The following ADAMTS16 variants were observed in gnomAD, a reference collection of about 807,000 sequenced individuals.
ADAMTS16 encodes A disintegrin and metalloproteinase with thrombospondin motifs 16.
In ADAMTS16, 94 loss-of-function variants were observed where a neutral mutation model predicts 145.8. The ratio of observed to expected loss-of-function variants is 0.64; its 90% CI spans 0.55 to 0.77. The LOEUF is 0.77. Ranked by LOEUF, ADAMTS16 falls within the 30% of genes least tolerant of loss-of-function variation. ADAMTS16 has a pLI of 0.00. For synonymous variants in ADAMTS16, 659 were observed against 604.3 expected, an observed-to-expected ratio of 1.09 and a Z score of -1.33; for missense variants, 1,585 against 1,591.5, an observed-to-expected ratio of 1.00 and a Z score of 0.07.
At chr5:5,167,176 C>A (rs1241360165) in intron 3 of ADAMTS16, among the ~76,000 whole-genome samples, 1 of 152,186 alleles carries the variant, frequency 6.6e-6, no homozygotes, top group African/African-American at 2.4e-5. Flanking sequence ...CACATTGGAA[C>A]CTAAGCTTCA....
At chr5:5,191,610 G>T (rs1735664040) in intron 7 of ADAMTS16, 75 bp from the exon 8 acceptor site, 11 of 1,217,628 alleles carry the variant, frequency 9.0e-6, no homozygotes, top group Non-Finnish European at 1.2e-5. Context: ...TTCACTAAGG[G>T]GTAGAAAATA....
chr5:5,219,065 C>T (rs944418860), intron 10 of ADAMTS16, among the ~76,000 whole-genome samples: 1 of 152,080 alleles, frequency 6.6e-6, no homozygotes, highest in Admixed American at 6.6e-5. Flanking sequence ...TGTCTGTTCT[C>T]ACTTAGGTCT....
At chr5:5,298,020 C>T (rs564751196) in intron 18 of ADAMTS16, among the ~76,000 whole-genome samples, 2 of 152,280 alleles carry the variant, frequency 1.3e-5, no homozygotes, top group Admixed American at 6.5e-5. Context: ...ATGGGCTGTC[C>T]GTTCCCACAT....
chr5:5,277,972 A>G (rs534621383), intron 18 of ADAMTS16, among the ~76,000 whole-genome samples: 6 of 152,048 alleles, frequency 3.9e-5, no homozygotes, highest in Middle Eastern at 3.4e-3. Flanking sequence ...ACAGAACAAG[A>G]CTCTGTCTTA....
intron 17 of ADAMTS16, among the ~76,000 whole-genome samples, chr5:5,249,445 C>T (rs1242095996): frequency 2.6e-5 from 4 of 152,022 alleles, no homozygotes; most frequent in East Asian, 3.9e-4. Flanking sequence ...GCATGAGACC[C>T]GTGAAGGGGG....
At chr5:5,152,685 C>T (rs977114475) in intron 3 of ADAMTS16, among the ~76,000 whole-genome samples, 2 of 152,200 alleles carry the variant, frequency 1.3e-5, no homozygotes, top group African/African-American at 4.8e-5. Flanking sequence ...AAGACTTAAG[C>T]AAACCATGGC....
At chr5:5,155,493 ACC>A (rs1435753935) in intron 3 of ADAMTS16, among the ~76,000 whole-genome samples, 3 of 152,212 alleles carry the variant, frequency 2.0e-5, no homozygotes, top group African/African-American at 4.8e-5. Flanking sequence ...ATATCAAAGC[ACC>A]CTAGACAACA....
chr5:5,174,652 C>G (rs1735140919), intron 3 of ADAMTS16, among the ~76,000 whole-genome samples: 1 of 151,952 alleles, frequency 6.6e-6, no homozygotes, highest in African/African-American at 2.4e-5. Context: ...TTTATTTTGT[C>G]TCTTCTGACT....
chr5:5,308,541 C>T (rs79363873), intron 21 of ADAMTS16, among the ~76,000 whole-genome samples: 3,370 of 152,298 alleles, frequency 0.022, 61 homozygotes, highest in East Asian at 0.067. Context: ...GGGAGCACCT[C>T]ACACCCTCAA....
At chr5:5,208,968 A>G (rs1381829995) in intron 9 of ADAMTS16, 125 bp from the exon 10 acceptor site, 2 of 993,262 alleles carry the variant, frequency 2.0e-6, no homozygotes, top group East Asian at 5.0e-5. Flanking sequence ...GGAGAAAAAA[A>G]GTTCTCCTCT....
In ADAMTS16 at chr5:5,317,196, C is replaced by T. The variant is rs909657130; in HGVS notation, c.3412-938C>T. Among the ~76,000 whole-genome samples, 1 of 152,142 alleles carries T rather than the reference C, an allele frequency of 6.6e-6. No homozygotes were observed. Among genetic ancestry groups the T allele is most frequent in the Non-Finnish European group, 1.5e-5 (1 of 68,034 alleles). ...AGGTCCCAGGTGGTAACATCAGCAA[C>T]CGTGTTCTCTGAAATACCGTAAATA... On this transcript the variant is annotated intron_variant, in intron 21 of 22. Transcript: ENST00000274181. This position sits in a 1 kb window ranked among gnomAD's most constrained non-coding sequence, Gnocchi z 4.5.
chr5:5,140,734 C>T lies in ADAMTS16; in HGVS notation c.143C>T (p.Pro48Leu), dbSNP rs1407733559. 6.4e-7 allele frequency: 1 copy of T among 1,569,828 alleles called. No individual in the cohort carries two copies. The highest frequency in any genetic ancestry group is 1.9e-5 in the Admixed American group (1 of 53,802). Residue 48 changes from proline (P) to leucine (L), a missense_variant, in exon 2 of 23, where the codon CCC becomes CTC. This residue lies in a region of ADAMTS16 where 453 missense variants were observed against 412.1 expected (regional missense o/e 1.10). Coordinates refer to ENST00000274181, the MANE Select transcript of ADAMTS16 (RefSeq NM_139056.4). Reference sequence around the variant, plus strand: ...CCGAGCGTCCCGCGTCCTCCTCCACCCGCGGAGCGGCCGGGCTGGATGGAA... The same window carrying T: ...CCGAGCGTCCCGCGTCCTCCTCCACTCGCGGAGCGGCCGGGCTGGATGGAA... ...GSPSVPRPPP[P>L]AERPGWMEKG...
At position 5,289,528 on chromosome 5, in the gene ADAMTS16, T is replaced by A. The variant is rs116425486; in HGVS notation, c.2790-13740T>A. Among the ~76,000 whole-genome samples the A allele has an allele frequency of 7.2e-3, 1,102 of 152,352 alleles. 18 individuals carry two copies. The highest frequency in any genetic ancestry group is 0.025 in the African/African-American group (1,030 of 41,574). ...CCATGATAGCTAGGCTCAACATAGG[T>A]ATCAAACTCCAACAGGTCTATCTTG... On this transcript the variant is annotated intron_variant, in intron 18 of 22. Transcript: ENST00000274181.
chr5:5,290,424 A>T (rs2126487712), intron 18 of ADAMTS16, among the ~76,000 whole-genome samples: 1 of 152,230 alleles, frequency 6.6e-6, no homozygotes, highest in Non-Finnish European at 1.5e-5. Flanking sequence ...GGAGGCCGAG[A>T]TGGGTGGATC....
chr5:5,232,803 A>C (rs1736974885), intron 12 of ADAMTS16, among the ~76,000 whole-genome samples: 1 of 151,752 alleles, frequency 6.6e-6, no homozygotes, highest in Non-Finnish European at 1.5e-5. Context: ...CGGTTTTACC[A>C]TGTTGGTCAG....
Position 5,318,150 on chromosome 5 carries a change from G to T in ADAMTS16, c.3428G>T (p.Gly1143Val). 2 of 1,493,746 alleles carry T rather than the reference G, an allele frequency of 1.3e-6. No individual in the cohort carries two copies. Among genetic ancestry groups the T allele is most frequent in the Middle Eastern group, 2.2e-4 (1 of 4,452 alleles). The allele number at this position is 1,493,746 out of a possible 1,614,324, so 92.5% of individuals were successfully genotyped here. Residue 1143 changes from glycine to valine, a missense_variant, in exon 22 of 23, where the codon GGG becomes GTG. Around this residue, in one of 3 missense-constraint regions of ADAMTS16, gnomAD observed 834 missense variants for 811.7 expected, o/e 1.03. Transcript: ENST00000274181. Reference sequence around the variant, plus strand: ...CTCTCACAGTGCACGGCCAGCTGTGGGGGAGGCGTTCAGACGAGGTCCGTG... The same window carrying T: ...CTCTCACAGTGCACGGCCAGCTGTGTGGGAGGCGTTCAGACGAGGTCCGTG... ...SPWSQCTASC[G>V]GGVQTRSVQC...
chr5:5,247,615 C>T (rs1397120834), intron 17 of ADAMTS16, among the ~76,000 whole-genome samples: 2 of 152,246 alleles, frequency 1.3e-5, no homozygotes, highest in African/African-American at 2.4e-5. Context: ...GTCCCTCCCA[C>T]GTTCCCACTA....
chr5:5,162,925 A>G (rs552430296), intron 3 of ADAMTS16, among the ~76,000 whole-genome samples: 37 of 152,310 alleles, frequency 2.4e-4, no homozygotes, highest in Admixed American at 7.8e-4. Flanking sequence ...CTTGATTCAC[A>G]GCTATCTGGA....
intron 18 of ADAMTS16, among the ~76,000 whole-genome samples, chr5:5,270,493 C>T (rs73039108): frequency 0.013 from 1,998 of 152,284 alleles, 43 homozygotes; most frequent in African/African-American, 0.045. Context: ...GTGTGATAAA[C>T]ACTCACTAAA....
Sources: allele counts gnomAD v4.1 joint callset (sites outside exome capture counted in the v4.1 genomes callset), GRCh38; gene constraint gnomAD v4.1.1; regional missense constraint gnomAD v4.1.1; non-coding constraint Gnocchi (gnomAD v3.1); transcripts MANE v1.5; gene names NCBI Gene and HGNC (gene_info 2026-07-23, HGNC 2026-07-21).